The following TAF1D variants were observed in gnomAD, a reference collection of about 807,000 sequenced individuals.
The protein encoded by TAF1D is TATA box-binding protein-associated factor RNA polymerase I subunit D.
In TAF1D, 23 loss-of-function variants were observed where a neutral mutation model predicts 26.2. The ratio of observed to expected loss-of-function variants is 0.88; its 90% CI spans 0.63 to 1.25. TAF1D has a LOEUF of 1.25. TAF1D is among the 50% of genes most tolerant of loss of function. The pLI, the probability that TAF1D is intolerant of heterozygous loss-of-function variation, is 0.00. For missense variants in TAF1D, 299 were observed against 322.0 expected, an observed-to-expected ratio of 0.93 and a Z score of 0.55; for synonymous variants, 100 against 105.6, an observed-to-expected ratio of 0.95 and a Z score of 0.33.
At chr11:93,736,334 T>C in intron 5 of TAF1D, 30 bp from the exon 6 acceptor site, 1 of 1,578,940 alleles carries the variant, frequency 6.3e-7, no homozygotes, top group Non-Finnish European at 8.6e-7. Context: ...AATCATGGAT[T>C]AAGCAATAAC....
downstream of TAF1D, chr11:93,732,341 C>T (rs1939311606): frequency 1.9e-6 from 1 of 517,718 alleles, no homozygotes; most frequent in Non-Finnish European, 3.9e-6. Flanking sequence ...AAACTGAACA[C>T]TCTGAGAAAC....
At position 93,736,325 on chromosome 11, in the gene TAF1D, A is replaced by G. The variant is rs748830770; in HGVS notation, c.694-21T>C. ...TCCCCCTGCATAAAACAAACAAAAA[A>G]TCATGGATTAAGCAATAACTCAAAT... On this transcript the variant is annotated intron_variant, in intron 5 of 5. Transcript: ENST00000448108. The G allele has an allele frequency of 8.2e-6, 13 of 1,585,080 alleles. No homozygotes were observed. The South Asian group carries it at 1.5e-4, about 18-fold the overall frequency.
exon 12 of TAF1D, chr11:93,730,339 A>G (rs1938284573): frequency 9.0e-7 from 1 of 1,116,896 alleles, no homozygotes; most frequent in Non-Finnish European, 1.3e-6. Flanking sequence ...TTTAAAGTCA[A>G]TAAATTGTTA....
downstream of TAF1D, chr11:93,732,457 C>T (rs1201129848): frequency 3.9e-6 from 2 of 518,898 alleles, no homozygotes; most frequent in Non-Finnish European, 7.7e-6. Context: ...CTTTGAACAC[C>T]CTAGCAGGTG....
intron 2 of TAF1D, chr11:93,738,908 A>G (rs553897362): frequency 1.0e-4 from 36 of 346,120 alleles, no homozygotes; most frequent in Non-Finnish European, 1.7e-4. Context: ...ATGAGCTCCA[A>G]AAGGCTGTAT....
At chr11:93,738,656 T>G (rs1306989091) in intron 2 of TAF1D, among the ~76,000 whole-genome samples, 157 bp from the exon 3 acceptor site, 1 of 152,216 alleles carries the variant, frequency 6.6e-6, no homozygotes. Context: ...CAGCTAGCCT[T>G]TCTACTGATC....
intron 1 of TAF1D, 46 bp from the exon 2 acceptor site, chr11:93,739,377 T>C: frequency 7.5e-7 from 1 of 1,341,972 alleles, no homozygotes; most frequent in Non-Finnish European, 1.0e-6. Context: ...TCCCTAAATA[T>C]TGACAGTATC....
downstream of TAF1D, chr11:93,734,587 T>G (rs745987264): frequency 3.8e-5 from 20 of 528,128 alleles, no homozygotes; most frequent in Non-Finnish European, 6.1e-5. Flanking sequence ...TTCCTACACA[T>G]AAACAAATAT....
intron 1 of TAF1D, among the ~76,000 whole-genome samples, chr11:93,740,128 G>A (rs921469689): frequency 2.6e-5 from 4 of 151,904 alleles, no homozygotes; most frequent in African/African-American, 4.8e-5. Flanking sequence ...GGGCAACGTG[G>A]TGAAACTCCG....
chr11:93,735,259 A>G (rs773139727), downstream of TAF1D: 18 of 1,333,684 alleles, frequency 1.3e-5, no homozygotes, highest in Middle Eastern at 2.1e-4. Context: ...ACTACATAGC[A>G]GAGTAGTCAG....
chr11:93,735,890 G>A lies in TAF1D; in HGVS notation c.*271C>T. 2 of 1,208,966 alleles carry A rather than the reference G, an allele frequency of 1.7e-6. No individual in the cohort carries two copies. The allele number at this position is 1,208,966 out of a possible 1,614,324, so 74.9% of individuals were successfully genotyped here. A position where few individuals can be genotyped will look rare whatever the true frequency, so the allele number is the denominator to read the frequency against. On this transcript the variant is annotated 3_prime_UTR_variant, in exon 6 of 6. Coordinates refer to ENST00000448108, the MANE Select transcript of TAF1D (RefSeq NM_024116.4). ...TTGTTTCAATACTCACAGGACACCT[G>A]TAAGCTCTTATTCAGAAATCAAATG...
downstream of TAF1D, chr11:93,735,497 C>T: frequency 2.5e-6 from 1 of 402,124 alleles, no homozygotes; most frequent in Non-Finnish European, 3.4e-6. Context: ...ATGGTGAAAG[C>T]CTGTCTCTAC....
intron 1 of TAF1D, among the ~76,000 whole-genome samples, chr11:93,739,629 C>T (rs973287038): frequency 2.6e-5 from 4 of 152,242 alleles, no homozygotes; most frequent in African/African-American, 9.6e-5. Flanking sequence ...TTATCATTAG[C>T]CACATATTTT....
At chr11:93,734,863 A>G (rs1940344224), downstream of TAF1D, 8 of 851,422 alleles carry the variant, frequency 9.4e-6, no homozygotes, top group Non-Finnish European at 1.1e-5. Context: ...GCAGCCTCCA[A>G]CTCTGCCTCA....
chr11:93,730,265 GCTGA>G (rs952176259), exon 12 of TAF1D: 63 of 1,547,082 alleles, frequency 4.1e-5, no homozygotes, highest in Non-Finnish European at 5.2e-5. Context: ...AAAAATACAT[GCTGA>G]CTTTCTAGAA....
At chr11:93,737,975 T>C (rs1341151456) in intron 3 of TAF1D, 134 bp downstream of exon 3, 10 of 929,324 alleles carry the variant, frequency 1.1e-5, no homozygotes, top group Non-Finnish European at 1.5e-5. Flanking sequence ...ACTTTAGGGG[T>C]AAGTCAGTAT....
At chr11:93,734,820 G>T, downstream of TAF1D, 1 of 1,149,022 alleles carries the variant, frequency 8.7e-7, no homozygotes. Context: ...TTGTTACTCA[G>T]GCTGGAGTAC....
At chr11:93,739,483 TA>T (rs1565245089) in intron 1 of TAF1D, among the ~76,000 whole-genome samples, 152 bp from the exon 2 acceptor site, 1 of 152,218 alleles carries the variant, frequency 6.6e-6, no homozygotes, top group Admixed American at 6.5e-5. Flanking sequence ...TCAGTTTCTT[TA>T]AAAAGAAATC....
chr11:93,741,267 G>A (rs919094331), intron 1 of TAF1D, 55 bp downstream of exon 1: 5 of 454,384 alleles, frequency 1.1e-5, no homozygotes, highest in Admixed American at 9.5e-5. Context: ...CCCCAGATAT[G>A]CAACGCCTCC....
Sources: gnomAD v4.1 joint callset for allele counts (sites outside exome capture counted in the v4.1 genomes callset) on GRCh38, gnomAD v4.1.1 for gene constraint, MANE v1.5 for transcripts, NCBI Gene and HGNC (gene_info 2026-07-23, HGNC 2026-07-21) for gene names.